SPOCK1: variants seen among roughly 807,000 people sequenced by gnomAD.
The protein encoded by SPOCK1 is testican-1.
A neutral mutation model predicts 55.3 loss-of-function variants in SPOCK1; 23 were observed. That is an observed-to-expected ratio of 0.42 (90% confidence interval 0.30 to 0.59). The LOEUF is 0.59. Ranked by LOEUF, SPOCK1 falls within the 20% of genes least tolerant of loss-of-function variation. The pLI is 0.22. For synonymous variants in SPOCK1, 226 were observed against 221.0 expected, an observed-to-expected ratio of 1.02 and a Z score of -0.20; for missense variants, 499 against 552.5, an observed-to-expected ratio of 0.90 and a Z score of 0.97.
chr5:137,252,725 G>T (rs879313562), intron 3 of SPOCK1, among the ~76,000 whole-genome samples: 6 of 152,232 alleles, frequency 3.9e-5, no homozygotes, highest in Non-Finnish European at 8.8e-5. Flanking sequence ...TTCTAAAAAT[G>T]TAAGAAGTTG....
intron 2 of SPOCK1, among the ~76,000 whole-genome samples, chr5:137,299,238 A>G (rs1375224385): frequency 6.6e-6 from 1 of 152,110 alleles, no homozygotes; most frequent in Non-Finnish European, 1.5e-5. Flanking sequence ...AAACACAATC[A>G]TTCTATTTAT....
At chr5:137,070,074 G>A (rs895595664) in intron 5 of SPOCK1, among the ~76,000 whole-genome samples, 1 of 152,090 alleles carries the variant, frequency 6.6e-6, no homozygotes, top group African/African-American at 2.4e-5. Context: ...TCCAACCAGT[G>A]GTGGTTAGTA....
intron 5 of SPOCK1, among the ~76,000 whole-genome samples, chr5:137,111,731 T>C (rs1859345): frequency 0.26 from 39,017 of 152,078 alleles, 5,434 homozygotes; most frequent in Non-Finnish European, 0.32. Context: ...ATCCTATTAT[T>C]AGAGCTTAGG....
Position 137,313,030 on chromosome 5 carries a change from C to T in SPOCK1, c.187-45975G>A, listed in dbSNP as rs17703524. ...GAGTATCCTGGGTTGCTGTCTTCCCCGTGCAGCTCCTACAGTAAAAGAAAG... is the reference window on the plus strand; with the variant it reads ...GAGTATCCTGGGTTGCTGTCTTCCCTGTGCAGCTCCTACAGTAAAAGAAAG... On this transcript the variant is annotated intron_variant, in intron 2 of 10. Transcript: ENST00000394945. Among the ~76,000 whole-genome samples, 634 of 152,204 alleles carry T rather than the reference C, an allele frequency of 4.2e-3. 16 individuals carry two copies. In the East Asian group the frequency reaches 0.061, roughly 15 times the overall value.
intron 2 of SPOCK1, among the ~76,000 whole-genome samples, chr5:137,279,782 G>A (rs1757134986): frequency 2.0e-5 from 3 of 152,182 alleles, no homozygotes. Context: ...TGCCACCCAA[G>A]GGACAAGAAG....
intron 4 of SPOCK1, 140 bp from the exon 5 acceptor site, chr5:137,112,701 C>A: frequency 9.8e-7 from 1 of 1,017,964 alleles, no homozygotes; most frequent in East Asian, 2.8e-5. Flanking sequence ...TTAGCCAGCA[C>A]TTCCATTTGC....
Position 137,160,647 on chromosome 5 carries a change from T to TATAACA in SPOCK1, c.233-19954_233-19953insTGTTAT, listed in dbSNP as rs1561631913. Among the ~76,000 whole-genome samples the TATAACA allele has an allele frequency of 4.6e-3, 382 of 82,578 alleles. 7 individuals carry two copies. The highest frequency in any genetic ancestry group is 0.019 in the African/African-American group (368 of 19,510). The allele number at this position is 82,578 out of a possible 152,430, so 54.2% of individuals were successfully genotyped here. The stretch of plus-strand genomic sequence containing the variant: ...TTTTATATAATATATAATATATATT[T>TATAACA]TATATAATATACAATATATAATATA... On this transcript the variant is annotated intron_variant, in intron 3 of 10. Coordinates refer to ENST00000394945, the MANE Select transcript of SPOCK1 (RefSeq NM_004598.4).
chr5:137,171,918 A>C (rs1754761838), intron 3 of SPOCK1, among the ~76,000 whole-genome samples: 2 of 152,186 alleles, frequency 1.3e-5, no homozygotes, highest in Non-Finnish European at 2.9e-5. Context: ...TTCCATTGAG[A>C]GTACCAGAGC....
intron 2 of SPOCK1, among the ~76,000 whole-genome samples, chr5:137,412,181 C>G (rs958423196): frequency 6.6e-6 from 1 of 152,244 alleles, no homozygotes; most frequent in Non-Finnish European, 1.5e-5. Flanking sequence ...ACAAGCCCCA[C>G]TCCACTCAGA....
intron 3 of SPOCK1, among the ~76,000 whole-genome samples, chr5:137,251,971 G>A (rs1756540266): frequency 6.6e-6 from 1 of 150,422 alleles, no homozygotes; most frequent in Non-Finnish European, 1.5e-5. Context: ...CCAGGCTGGA[G>A]TGCAGTGGTG....
intron 2 of SPOCK1, among the ~76,000 whole-genome samples, chr5:137,436,339 C>T (rs1375892269): frequency 6.6e-6 from 1 of 152,074 alleles, no homozygotes; most frequent in Non-Finnish European, 1.5e-5. Flanking sequence ...TGAGGAAAGG[C>T]TCTAATCCCA....
chr5:137,091,785 G>A (rs182823586), intron 5 of SPOCK1, among the ~76,000 whole-genome samples: 6 of 152,280 alleles, frequency 3.9e-5, no homozygotes, highest in African/African-American at 1.4e-4. Flanking sequence ...GAGGACACTG[G>A]ATGGTGAATT....
chr5:137,417,953 C>A (rs142189722), intron 2 of SPOCK1, among the ~76,000 whole-genome samples: 5 of 152,112 alleles, frequency 3.3e-5, no homozygotes, highest in African/African-American at 7.2e-5. Flanking sequence ...ATTCCTCCCC[C>A]CTCCCGCTAC....
intron 3 of SPOCK1, among the ~76,000 whole-genome samples, chr5:137,227,748 T>C (rs1755972428): frequency 6.6e-6 from 1 of 152,192 alleles, no homozygotes; most frequent in Non-Finnish European, 1.5e-5. Context: ...CAAGTTATCG[T>C]AGGAGCAAAG....
chr5:137,338,392 C>T (rs1273115458), intron 2 of SPOCK1, among the ~76,000 whole-genome samples: 2 of 151,988 alleles, frequency 1.3e-5, no homozygotes, highest in Admixed American at 6.5e-5. Flanking sequence ...TGTATATGTG[C>T]CACATTTTCT....
intron 2 of SPOCK1, among the ~76,000 whole-genome samples, chr5:137,483,336 TAAAAATA>T (rs1753987952): frequency 6.6e-6 from 1 of 152,040 alleles, no homozygotes; most frequent in African/African-American, 2.4e-5. Flanking sequence ...ATCCCAGAAA[TAAAAATA>T]AAAAATAAAA....
In SPOCK1 at chr5:137,417,369, A is replaced by C. The variant is rs566785316; in HGVS notation, c.186+81004T>G. Among the ~76,000 whole-genome samples, 6 of 148,974 alleles carry C rather than the reference A, an allele frequency of 4.0e-5. No homozygotes were observed. In the East Asian group the frequency reaches 1.2e-3, roughly 29 times the overall value. The stretch of plus-strand genomic sequence containing the variant: ...TTTTTTCATTTTTTTAAAAAAATCA[A>C]TTTTACTGAGGAAAAATTACTGTCA... On this transcript the variant is annotated intron_variant, in intron 2 of 10. Transcript: ENST00000394945.
Position 137,198,707 on chromosome 5 carries a change from C to A in SPOCK1, c.233-58013G>T, listed in dbSNP as rs569471229. 2.6e-5 allele frequency among the ~76,000 whole-genome samples: 4 copies of A among 152,122 alleles called. No individual in the cohort carries two copies. In the South Asian group the frequency reaches 8.3e-4, roughly 32 times the overall value. ...CATCTCCTTGACTTATTTGTGGCAA[C>A]GTTTTTCTTAATTTGATTGGCGTGT... On this transcript the variant is annotated intron_variant, in intron 3 of 10. Coordinates refer to ENST00000394945, the MANE Select transcript of SPOCK1 (RefSeq NM_004598.4).
intron 6 of SPOCK1, among the ~76,000 whole-genome samples, chr5:137,041,754 A>G (rs1752002605): frequency 6.6e-6 from 1 of 152,218 alleles, no homozygotes; most frequent in Admixed American, 6.5e-5. Flanking sequence ...ATAATACCAT[A>G]TCACCATGTA....
Sources: gnomAD v4.1 joint callset for allele counts (sites outside exome capture counted in the v4.1 genomes callset) on GRCh38, gnomAD v4.1.1 for gene constraint, MANE v1.5 for transcripts, NCBI Gene and HGNC (gene_info 2026-07-23, HGNC 2026-07-21) for gene names.